CNGB1: variants seen among roughly 807,000 people sequenced by gnomAD.
The protein encoded by CNGB1 is cyclic nucleotide-gated channel beta-1.
CNGB1 carries 126 observed loss-of-function variants against 151.7 expected under a neutral mutation model. The ratio of observed to expected loss-of-function variants is 0.83; its 90% CI spans 0.72 to 0.96. The LOEUF (loss-of-function observed/expected upper bound fraction) is 0.96, where lower values mean the gene tolerates loss of function less well. Ranked by LOEUF, CNGB1 falls within the 40% of genes least tolerant of loss-of-function variation. CNGB1 has a pLI of 0.00. For missense variants in CNGB1, 1,698 were observed against 1,627.0 expected, an observed-to-expected ratio of 1.04 and a Z score of -0.75; for synonymous variants, 623 against 635.1, an observed-to-expected ratio of 0.98 and a Z score of 0.29.
At chr16:57,966,675 A>G (rs576219992) in intron 2 of CNGB1, among the ~76,000 whole-genome samples, 106 of 152,362 alleles carry the variant, frequency 7.0e-4, no homozygotes, top group Non-Finnish European at 1.2e-3. Flanking sequence ...TGGACTAGTA[A>G]TAAACAGTTC....
intron 16 of CNGB1, among the ~76,000 whole-genome samples, chr16:57,932,263 G>A (rs1220606106): frequency 1.3e-5 from 2 of 152,154 alleles, no homozygotes; most frequent in Admixed American, 1.3e-4. Flanking sequence ...GAGTCCTGGC[G>A]CCTGGCCTAG....
intron 18 of CNGB1, 55 bp from the exon 19 acceptor site, chr16:57,920,599 C>T: frequency 6.3e-7 from 1 of 1,598,826 alleles, no homozygotes; most frequent in South Asian, 1.1e-5. Context: ...ACCTGTGCAC[C>T]CCCAGGCCAG....
intron 21 of CNGB1, 61 bp downstream of exon 21, chr16:57,917,207 T>C: frequency 2.8e-6 from 4 of 1,417,796 alleles, no homozygotes; most frequent in Non-Finnish European, 3.9e-6. Context: ...GTCAGTGCCC[T>C]GGAGGCTCTG....
chr16:57,904,630 G>T, intron 26 of CNGB1, 104 bp downstream of exon 26: 1 of 1,525,250 alleles, frequency 6.6e-7, no homozygotes, highest in Non-Finnish European at 9.1e-7. Flanking sequence ...CCCTTTCCCA[G>T]GCTTAATCCA....
chr16:57,954,822 G>A, intron 12 of CNGB1: 1 of 990,514 alleles, frequency 1.0e-6, no homozygotes, highest in Non-Finnish European at 1.2e-6. Flanking sequence ...GGTGCTGACG[G>A]TGCCAGGTAC....
At chr16:57,970,256 G>A (rs954692286) in intron 1 of CNGB1, among the ~76,000 whole-genome samples, 3 of 152,174 alleles carry the variant, frequency 2.0e-5, no homozygotes, top group African/African-American at 7.2e-5. Context: ...GAGCTCACAT[G>A]TTGGGATAGC....
At position 57,963,051 on chromosome 16, in the gene CNGB1, C is replaced by T; in HGVS notation, c.304G>A (p.Val102Ile). The T allele has an allele frequency of 6.2e-7, 1 of 1,613,176 alleles. No homozygotes were observed. The highest frequency in any genetic ancestry group is 8.5e-7 in the Non-Finnish European group (1 of 1,179,920). ...ISEMNSPSRR[V>I]LTWLMKGVEK... ...ACGCCCTTCATGAGCCAGGTCAGTA[C>T]CCTGCGGCTGGGACTGCGATGGACA... The change falls in exon 5 of 33, where the codon GTA becomes ATA. Residue 102 changes from valine (V) to isoleucine (I), a missense_variant. Val to Ile is a conservative substitution (Grantham distance 29). Coordinates refer to ENST00000251102, the MANE Select transcript of CNGB1 (RefSeq NM_001297.5).
Position 57,904,815 on chromosome 16 carries a change from G to GA in CNGB1, c.2552_2553insT (p.Lys853GlnfsTer5). On this transcript the variant is annotated frameshift_variant, in exon 26 of 33. Transcript: ENST00000251102. LOFTEE classifies it high-confidence loss of function. Reference sequence around the variant, plus strand: ...AGACAATTTCAAAGAGTGTCTTGGGGTCAGGCAGCCCCCCGATGGTGATGA... The same window carrying GA: ...AGACAATTTCAAAGAGTGTCTTGGGGATCAGGCAGCCCCCCGATGGTGATGA... The GA allele has an allele frequency of 6.2e-7, 1 of 1,614,182 alleles. No homozygotes were observed. The highest frequency in any genetic ancestry group is 8.5e-7 in the Non-Finnish European group (1 of 1,180,038).
chr16:57,922,072 C>T (rs1313382148), intron 18 of CNGB1, among the ~76,000 whole-genome samples: 1 of 152,204 alleles, frequency 6.6e-6, no homozygotes, highest in Admixed American at 6.5e-5. Flanking sequence ...TGTGAGTCCA[C>T]TGCGTGCTGC....
At chr16:57,916,626 C>A (rs538586154) in intron 21 of CNGB1, among the ~76,000 whole-genome samples, 1 of 152,260 alleles carries the variant, frequency 6.6e-6, no homozygotes, top group Admixed American at 6.5e-5. Context: ...CAGGCACTGC[C>A]GGGGTGGAAT....
intron 14 of CNGB1, among the ~76,000 whole-genome samples, chr16:57,945,692 A>G (rs113200118): frequency 0.017 from 2,568 of 152,338 alleles, 69 homozygotes; most frequent in African/African-American, 0.058. Flanking sequence ...TCCCAGCTCT[A>G]CGCTTACTGG....
In CNGB1 at chr16:57,901,569, C is replaced by T. The variant is rs921992928; in HGVS notation, c.2851G>A (p.Asp951Asn). 1.2e-6 allele frequency: 2 copies of T among 1,614,154 alleles called. No individual in the cohort carries two copies. Among genetic ancestry groups the T allele is most frequent in the Non-Finnish European group, 1.7e-6 (2 of 1,180,030 alleles). Residue 951 changes from aspartate to asparagine, a missense_variant, in exon 28 of 33, where the codon GAC (aspartate) becomes AAC (asparagine). Physicochemically the swap from Asp to Asn is conservative, Grantham distance 23. Coordinates refer to ENST00000251102, the MANE Select transcript of CNGB1 (RefSeq NM_001297.5). ...PDKMRLDLAI[D>N]VNYNIVSKVA... Reference sequence around the variant, plus strand: ...TTGCTAACGATGTTGTAGTTCACGTCGATGGCGAGGTCCAGCCGCATCTTG... The same window carrying T: ...TTGCTAACGATGTTGTAGTTCACGTTGATGGCGAGGTCCAGCCGCATCTTG...
intron 24 of CNGB1, 76 bp downstream of exon 24, chr16:57,912,854 T>C: frequency 7.1e-7 from 1 of 1,405,202 alleles, no homozygotes; most frequent in Non-Finnish European, 1.0e-6. Flanking sequence ...ATCTGTGTTG[T>C]GTGTGTATTG....
At chr16:57,960,332 G>T (rs571736933) in intron 9 of CNGB1, 150 bp downstream of exon 9, 2 of 1,192,474 alleles carry the variant, frequency 1.7e-6, no homozygotes, top group South Asian at 1.4e-5. Flanking sequence ...TGGTGTCCCC[G>T]CCAACAGCCT....
chr16:57,945,646 A>G (rs1395239102), intron 14 of CNGB1, among the ~76,000 whole-genome samples: 2 of 152,206 alleles, frequency 1.3e-5, no homozygotes, highest in Non-Finnish European at 2.9e-5. Context: ...ATCACTAAAC[A>G]TTGGGAGCAG....
chr16:57,939,398 G>T (rs772325721), intron 16 of CNGB1, 32 bp downstream of exon 16: 1 of 1,613,522 alleles, frequency 6.2e-7, no homozygotes, highest in Admixed American at 1.7e-5. Context: ...AGACATTCTT[G>T]CGCAACCCAT....
intron 11 of CNGB1, among the ~76,000 whole-genome samples, chr16:57,957,610 C>T (rs1962124054): frequency 6.6e-6 from 1 of 152,242 alleles, no homozygotes; most frequent in Admixed American, 6.5e-5. Context: ...GGGGGTGACC[C>T]CAGACAGCCA....
At chr16:57,957,466 G>A in intron 11 of CNGB1, 89 bp from the exon 12 acceptor site, 1 of 1,121,852 alleles carries the variant, frequency 8.9e-7, no homozygotes, top group Non-Finnish European at 1.4e-6. Context: ...ACGTGACCTT[G>A]ACCCACCTCT....
chr16:57,960,427 G>A (rs1962214080), intron 9 of CNGB1, 55 bp downstream of exon 9: 9 of 1,594,624 alleles, frequency 5.6e-6, no homozygotes, highest in Non-Finnish European at 1.7e-6. Flanking sequence ...GTTGATCCCT[G>A]AGCCCAGCCC....
Sources: allele counts gnomAD v4.1 joint callset (sites outside exome capture counted in the v4.1 genomes callset), GRCh38; gene constraint gnomAD v4.1.1; transcripts MANE v1.5; gene names NCBI Gene and HGNC (gene_info 2026-07-23, HGNC 2026-07-21).